MYO1D: variants seen among roughly 807,000 people sequenced by gnomAD.
MYO1D encodes the protein unconventional myosin-Id.
A neutral mutation model predicts 122.0 loss-of-function variants in MYO1D; 83 were observed. The ratio of observed to expected loss-of-function variants is 0.68; its 90% confidence interval spans 0.57 to 0.82. The LOEUF (loss-of-function observed/expected upper bound fraction) is 0.82, where lower values mean the gene tolerates loss of function less well. MYO1D is among the 40% of genes least tolerant of loss of function. The pLI is 0.00. For missense variants in MYO1D, 1,157 were observed against 1,269.5 expected, an observed-to-expected ratio of 0.91 and a Z score of 1.35; for synonymous variants, 464 against 446.9, an observed-to-expected ratio of 1.04 and a Z score of -0.48.
chr17:32,857,658 A>G lies in MYO1D; in HGVS notation c.95+19120T>C, dbSNP rs1268120487. ...TCTCACCGTCCCTGAACATGTCACA[A>G]CCATTCACAGAGGCACCCCTGCATG... On this transcript the variant is annotated intron_variant, in intron 1 of 21. Transcript: ENST00000318217. Among the ~76,000 whole-genome samples the G allele has an allele frequency of 2.0e-5, 3 of 151,996 alleles. No homozygotes were observed. The East Asian group carries it at 5.8e-4, about 29-fold the overall frequency.
chr17:32,755,764 T>C (rs1204164288), intron 10 of MYO1D, 102 bp from the exon 11 acceptor site: 5 of 950,132 alleles, frequency 5.3e-6, no homozygotes, highest in Non-Finnish European at 7.7e-6. Flanking sequence ...AAAACTACTT[T>C]GGTGTCAAAT....
At chr17:32,796,585 G>C (rs572612337) in intron 1 of MYO1D, among the ~76,000 whole-genome samples, 195 of 152,140 alleles carry the variant, frequency 1.3e-3, no homozygotes, top group South Asian at 0.01. Context: ...GCTAATTTTT[G>C]TATTTCTTGT....
intron 20 of MYO1D, among the ~76,000 whole-genome samples, chr17:32,620,862 A>G (rs989490648): frequency 8.5e-5 from 13 of 152,198 alleles, no homozygotes; most frequent in Non-Finnish European, 1.5e-4. Context: ...AATTTGAAAA[A>G]AGCTACGAGA....
At position 32,701,858 on chromosome 17, in the gene MYO1D, TG is replaced by T. The variant is rs376621572; in HGVS notation, c.2121+10129del. Among the ~76,000 whole-genome samples, 359 of 152,362 alleles carry T rather than the reference TG, an allele frequency of 2.4e-3. 2 individuals are homozygous for T. The highest frequency in any genetic ancestry group is 6.5e-3 in the African/African-American group (270 of 41,582). ...CTAGGATTACAGGGGTGAACCCCCA[TG>T]CCCTGCCAAAGTACAGTACTCTTAA... On this transcript the variant is annotated intron_variant, in intron 16 of 21. Transcript: ENST00000318217.
intron 16 of MYO1D, among the ~76,000 whole-genome samples, chr17:32,704,090 C>T (rs1415159072): frequency 1.3e-5 from 2 of 152,198 alleles, no homozygotes; most frequent in African/African-American, 4.8e-5. Context: ...TTAGCACCTC[C>T]TTTCTTAAAG....
At chr17:32,662,737 T>C (rs563896812) in intron 16 of MYO1D, among the ~76,000 whole-genome samples, 58 of 152,034 alleles carry the variant, frequency 3.8e-4, no homozygotes, top group Non-Finnish European at 7.8e-4. Context: ...TTTTCTTAGC[T>C]GTAAAATGGG....
At chr17:32,763,593 C>G (rs2090024524) in intron 8 of MYO1D, among the ~76,000 whole-genome samples, 1 of 152,048 alleles carries the variant, frequency 6.6e-6, no homozygotes, top group South Asian at 2.1e-4. Context: ...AAAATATTAC[C>G]ATGCAGCCAT....
At chr17:32,855,019 G>A (rs1268317804) in intron 1 of MYO1D, among the ~76,000 whole-genome samples, 1 of 152,060 alleles carries the variant, frequency 6.6e-6, no homozygotes, top group South Asian at 2.1e-4. Context: ...GCAAATCCAC[G>A]AAGTCATGAC....
chr17:32,505,775 C>T (rs1217915402), intron 21 of MYO1D: 1 of 152,184 alleles, frequency 6.6e-6, no homozygotes, highest in African/African-American at 2.4e-5. Flanking sequence ...CTTAAGAATA[C>T]CCAGAGAGAA....
chr17:32,784,163 T>A (rs879940737), intron 1 of MYO1D, among the ~76,000 whole-genome samples: 1 of 152,184 alleles, frequency 6.6e-6, no homozygotes, highest in Admixed American at 6.5e-5. Flanking sequence ...TTGACTTCCA[T>A]CTACCAACAA....
chr17:32,589,590 C>G (rs1473828718), intron 21 of MYO1D, among the ~76,000 whole-genome samples: 1 of 152,122 alleles, frequency 6.6e-6, no homozygotes, highest in African/African-American at 2.4e-5. Flanking sequence ...ACAATAAATG[C>G]CTCCACACCC....
chr17:32,591,319 T>G (rs1310642415), intron 21 of MYO1D, among the ~76,000 whole-genome samples: 1 of 152,256 alleles, frequency 6.6e-6, no homozygotes, highest in East Asian at 1.9e-4. Flanking sequence ...TGAGTGCATG[T>G]AAATAGGTTA....
In MYO1D at chr17:32,539,391, T is replaced by G. The variant is rs148173116; in HGVS notation, c.2865-44476A>C. On this transcript the variant is annotated intron_variant, in intron 21 of 21. Transcript: ENST00000318217. Reference sequence around the variant, plus strand: ...GATTTTTTTAAAAACCATACTGTATTAGTTTCTTATGGCTGCTGTAAAAAA... The same window carrying G: ...GATTTTTTTAAAAACCATACTGTATGAGTTTCTTATGGCTGCTGTAAAAAA... Among the ~76,000 whole-genome samples the G allele has an allele frequency of 3.3e-5, 5 of 152,252 alleles. No individual in the cohort carries two copies. The East Asian group carries it at 9.6e-4, about 29-fold the overall frequency.
At chr17:32,800,304 G>A (rs909375334) in intron 1 of MYO1D, among the ~76,000 whole-genome samples, 6 of 151,906 alleles carry the variant, frequency 3.9e-5, no homozygotes, top group Non-Finnish European at 1.5e-5. Flanking sequence ...CATCAACAGA[G>A]GAATAGATTT....
intron 1 of MYO1D, among the ~76,000 whole-genome samples, chr17:32,876,419 T>C (rs2091230881): frequency 6.6e-6 from 1 of 152,118 alleles, no homozygotes; most frequent in South Asian, 2.1e-4. Flanking sequence ...TTCCCTTCAG[T>C]TTCCATGAGG....
chr17:32,556,921 T>C (rs192341674), intron 21 of MYO1D, among the ~76,000 whole-genome samples: 1 of 152,258 alleles, frequency 6.6e-6, no homozygotes, highest in African/African-American at 2.4e-5. Flanking sequence ...ATGATGTTTG[T>C]TTCCTTTACA....
intron 13 of MYO1D, 83 bp from the exon 14 acceptor site, chr17:32,738,468 T>C (rs1373875400): frequency 3.0e-5 from 40 of 1,346,974 alleles, no homozygotes; most frequent in Non-Finnish European, 3.8e-5. Context: ...CTGAAATGTA[T>C]CCTGAGAATC....
chr17:32,681,771 T>C (rs2088921121), intron 16 of MYO1D, among the ~76,000 whole-genome samples: 2 of 137,516 alleles, frequency 1.5e-5, no homozygotes, highest in Non-Finnish European at 3.1e-5. Flanking sequence ...TTAGGTCCGC[T>C]TGGTGCAGAG....
chr17:32,709,329 C>T (rs2089346497), intron 16 of MYO1D, among the ~76,000 whole-genome samples: 1 of 151,994 alleles, frequency 6.6e-6, no homozygotes, highest in South Asian at 2.1e-4. Context: ...TTGAATCAAT[C>T]AATCTCTTGA....
Sources: gnomAD v4.1 joint callset for allele counts (sites outside exome capture counted in the v4.1 genomes callset) on GRCh38, gnomAD v4.1.1 for gene constraint, MANE v1.5 for transcripts, NCBI Gene and HGNC (gene_info 2026-07-23, HGNC 2026-07-21) for gene names.